The following HDAC9 variants were observed in gnomAD, a reference collection of about 807,000 sequenced individuals.
The protein encoded by HDAC9 is MEF-2 interacting transcription repressor (MITR) protein.
A neutral mutation model predicts 139.4 loss-of-function variants in HDAC9; 41 were observed. The observed-to-expected ratio is 0.29, with a 90% CI of 0.23 to 0.38. The LOEUF (loss-of-function observed/expected upper bound fraction) is 0.38. Among genes scored for constraint, HDAC9 ranks in the 10% least tolerant of loss-of-function variants. HDAC9 has a pLI of 1.00. For synonymous variants in HDAC9, 517 were observed against 476.2 expected (o/e 1.09, Z -1.12); for missense variants, 1,147 against 1,297.0 (o/e 0.88, Z 1.78).
chr7:18,279,106 A>C (rs760847230), intron 2 of HDAC9, among the ~76,000 whole-genome samples: 8 of 152,334 alleles, frequency 5.3e-5, no homozygotes, highest in Non-Finnish European at 5.9e-5. Context: ...ATCTCTACCA[A>C]ATAACAAAAT....
At position 18,168,926 on chromosome 7, in the gene HDAC9, T is replaced by TGC. The variant is rs1554318239; in HGVS notation, c.25+6582_25+6583dup. Among the ~76,000 whole-genome samples the TGC allele has an allele frequency of 3.2e-3, 411 of 130,012 alleles. 2 individuals carry two copies. Among genetic ancestry groups the TGC allele is most frequent in the African/African-American group, 6.0e-3 (203 of 34,016 alleles). The allele number at this position is 130,012 out of a possible 152,430, so 85.3% of individuals were successfully genotyped here. ...GTGTGTGTGTGTGTGTGTGTGTGTG[T>TGC]GCGCGCATGTGTCTCTGTGTGTGTG... On this transcript the variant is annotated intron_variant, in intron 2 of 12. Transcript: ENST00000417496.
intron 1 of HDAC9, among the ~76,000 whole-genome samples, chr7:18,471,369 A>T (rs143572963): frequency 6.6e-6 from 1 of 152,100 alleles, no homozygotes; most frequent in Non-Finnish European, 1.5e-5. Flanking sequence ...CTTTTACACA[A>T]TACCTTTTAG....
intron 22 of HDAC9, among the ~76,000 whole-genome samples, chr7:18,922,517 C>A (rs924169769): frequency 6.6e-6 from 1 of 152,042 alleles, no homozygotes; most frequent in Non-Finnish European, 1.5e-5. Context: ...AGTAGAGGAA[C>A]TTACTTTAAA....
At chr7:18,568,979 G>T (rs557325851) in intron 2 of HDAC9, among the ~76,000 whole-genome samples, 3 of 151,970 alleles carry the variant, frequency 2.0e-5, no homozygotes, top group African/African-American at 7.3e-5. Context: ...CCCGGGAGGC[G>T]AAAGTTGCAA....
At chr7:18,720,991 C>T (rs906316819) in intron 12 of HDAC9, among the ~76,000 whole-genome samples, 1 of 151,868 alleles carries the variant, frequency 6.6e-6, no homozygotes, top group Non-Finnish European at 1.5e-5. Context: ...TTTTTATTTT[C>T]TTTTTTCATT....
At chr7:18,896,970 A>G (rs1801258145) in intron 22 of HDAC9, among the ~76,000 whole-genome samples, 1 of 152,034 alleles carries the variant, frequency 6.6e-6, no homozygotes, top group Admixed American at 6.6e-5. Context: ...AACACAGAAA[A>G]ATAAGGTGTT....
chr7:18,584,185 G>T (rs961256606), intron 2 of HDAC9, among the ~76,000 whole-genome samples: 2 of 125,344 alleles, frequency 1.6e-5, no homozygotes, highest in Non-Finnish European at 3.1e-5. Context: ...CTGTCACCCA[G>T]GCTGGAGTGC....
At chr7:18,549,774 A>G (rs1294965747) in intron 2 of HDAC9, among the ~76,000 whole-genome samples, 4 of 150,922 alleles carry the variant, frequency 2.7e-5, no homozygotes, top group Non-Finnish European at 4.4e-5. Context: ...GTCATATTTT[A>G]TGCACACGCA....
intron 23 of HDAC9, among the ~76,000 whole-genome samples, chr7:18,940,955 C>T (rs181480025): frequency 6.6e-6 from 1 of 152,164 alleles, no homozygotes; most frequent in Admixed American, 6.5e-5. Context: ...ATTAGAAGAT[C>T]ACCTGTCAAT....
At chr7:18,540,830 C>G (rs1812568637) in intron 2 of HDAC9, among the ~76,000 whole-genome samples, 1 of 152,214 alleles carries the variant, frequency 6.6e-6, no homozygotes, top group African/African-American at 2.4e-5. Flanking sequence ...ATACCCAACA[C>G]TAATGAGCAT....
chr7:18,666,417 G>C lies in HDAC9; in HGVS notation c.1672G>C (p.Asp558His). ...VKVKEEPVDS[D>H]EDAQIQEMES... ...GGTCAAGGAGGAACCAGTGGACAGT[G>C]ATGAAGATGCTCAGATCCAGGAAAT... Residue 558 changes from aspartate (D) to histidine (H), a missense_variant, in exon 12 of 26, where the codon GAT becomes CAT. Physicochemically the swap from Asp to His is moderately conservative, Grantham distance 81 (BLOSUM62 -1). This residue lies in a region of HDAC9 where 256 missense variants were observed against 219.2 expected (regional missense o/e 1.17). Coordinates refer to ENST00000686413, the MANE Select transcript of HDAC9 (RefSeq NM_178425.4). 6.2e-7 allele frequency: 1 copy of C among 1,612,844 alleles called. No homozygotes were observed. The highest frequency in any genetic ancestry group is 1.1e-5 in the South Asian group (1 of 91,056).
At chr7:18,887,862 C>T (rs1484804074) in intron 22 of HDAC9, among the ~76,000 whole-genome samples, 2 of 152,110 alleles carry the variant, frequency 1.3e-5, no homozygotes, top group Non-Finnish European at 2.9e-5. Context: ...AACCTCTAGA[C>T]TTGTCCCATG....
chr7:18,201,167 C>T (rs748142355), intron 2 of HDAC9, among the ~76,000 whole-genome samples: 2 of 152,148 alleles, frequency 1.3e-5, no homozygotes, highest in Non-Finnish European at 2.9e-5. Context: ...AAGATCCACT[C>T]CCCATTCCCA....
At chr7:18,901,376 A>C (rs944258034) in intron 22 of HDAC9, among the ~76,000 whole-genome samples, 2 of 151,916 alleles carry the variant, frequency 1.3e-5, no homozygotes, top group Admixed American at 6.6e-5. Flanking sequence ...CTTTTTTCCA[A>C]ACGCCTGTTA....
intron 2 of HDAC9, among the ~76,000 whole-genome samples, chr7:18,252,067 G>T (rs538302129): frequency 6.6e-6 from 1 of 152,266 alleles, no homozygotes; most frequent in South Asian, 2.1e-4. Context: ...AGTCTTGAGA[G>T]CATGCAGCAT....
At chr7:18,842,045 T>C (rs1482580625) in intron 21 of HDAC9, among the ~76,000 whole-genome samples, 2 of 152,146 alleles carry the variant, frequency 1.3e-5, no homozygotes, top group Non-Finnish European at 2.9e-5. Flanking sequence ...CATTTAGATT[T>C]AACTTTGAAA....
rs1421212336 is a variant in HDAC9 at position 19,000,965 on chromosome 7, T to A, written c.*4903T>A. 6.6e-6 allele frequency: 1 copy of A among 152,238 alleles called. No homozygotes were observed. The highest frequency in any genetic ancestry group is 2.4e-5 in the African/African-American group (1 of 41,476). 9.4% of individuals were successfully genotyped at this position (152,238 alleles called of 1,614,324 possible). A position where few individuals can be genotyped will look rare whatever the true frequency, so the allele number is the denominator to read the frequency against. The stretch of plus-strand genomic sequence containing the variant: ...ACATTTTGATAGATACTCTGTCTTT[T>A]GTTTTTTATCTCTTCTCTTTTCAAG... On this transcript the variant is annotated 3_prime_UTR_variant, in exon 26 of 26. Transcript: ENST00000686413.
At chr7:18,235,391 G>T (rs747877458) in intron 2 of HDAC9, among the ~76,000 whole-genome samples, 7 of 152,096 alleles carry the variant, frequency 4.6e-5, no homozygotes, top group Middle Eastern at 3.4e-3. Flanking sequence ...CACAAGTTTT[G>T]ATTTGTAGCA....
At chr7:18,855,568 C>A (rs75821552) in intron 21 of HDAC9, among the ~76,000 whole-genome samples, 1 of 151,744 alleles carries the variant, frequency 6.6e-6, no homozygotes, top group African/African-American at 2.4e-5. Context: ...GCATGGTGGC[C>A]GTGCTGAACT....
Sources: gnomAD v4.1 joint callset for allele counts (sites outside exome capture counted in the v4.1 genomes callset) on GRCh38, gnomAD v4.1.1 for gene constraint, gnomAD v4.1.1 regional missense constraint, MANE v1.5 for transcripts, NCBI Gene and HGNC (gene_info 2026-07-23, HGNC 2026-07-21) for gene names.